Variants in TBC1D14 observed in about 807,000 individuals in gnomAD.
TBC1D14 encodes the protein TBC1 domain family member 14.
TBC1D14 carries 26 observed loss-of-function variants against 79.0 expected under a neutral mutation model. The observed-to-expected ratio is 0.33, with a 90% CI of 0.24 to 0.46. The LOEUF is 0.46. Among genes scored for constraint, TBC1D14 ranks in the 20% least tolerant of loss-of-function variants. The pLI, the probability that TBC1D14 is intolerant of heterozygous loss-of-function variation, is 1.00. For missense variants in TBC1D14, 769 were observed against 887.6 expected (o/e 0.87, Z 1.70); for synonymous variants, 394 against 349.9 (o/e 1.13, Z -1.40).
chr4:6,931,134 C>G (rs1486308471), intron 2 of TBC1D14, among the ~76,000 whole-genome samples: 1 of 152,090 alleles, frequency 6.6e-6, no homozygotes, highest in Non-Finnish European at 1.5e-5. Flanking sequence ...CTTCTGACTT[C>G]GTGATCTGCC....
chr4:6,960,832 G>A (rs1354986737), intron 2 of TBC1D14, among the ~76,000 whole-genome samples: 1 of 152,300 alleles, frequency 6.6e-6, no homozygotes, highest in South Asian at 2.1e-4. Flanking sequence ...CAGCCTAATC[G>A]GGTGCACTGC....
chr4:6,974,329 G>T (rs1716519312), intron 3 of TBC1D14, among the ~76,000 whole-genome samples: 1 of 152,166 alleles, frequency 6.6e-6, no homozygotes, highest in Non-Finnish European at 1.5e-5. Context: ...ACCTGGCCCA[G>T]ATATGGATGC....
intron 5 of TBC1D14, among the ~76,000 whole-genome samples, chr4:6,996,789 C>T (rs1170517901): frequency 6.6e-6 from 1 of 152,210 alleles, no homozygotes; most frequent in East Asian, 1.9e-4. Context: ...AGGCTACTAT[C>T]CATTCCGGGT....
At chr4:6,961,101 G>C (rs1432929020) in intron 2 of TBC1D14, among the ~76,000 whole-genome samples, 1 of 152,128 alleles carries the variant, frequency 6.6e-6, no homozygotes, top group Non-Finnish European at 1.5e-5. Context: ...TACTTTGTTG[G>C]TGTCCCCTGT....
intron 2 of TBC1D14, among the ~76,000 whole-genome samples, chr4:6,953,503 C>T (rs1350435982): frequency 1.6e-4 from 23 of 142,884 alleles, no homozygotes; most frequent in African/African-American, 4.6e-4. Flanking sequence ...AGGTGGCGGG[C>T]GCCTGTAGTC....
chr4:6,976,928 A>C (rs1716760995), intron 3 of TBC1D14, among the ~76,000 whole-genome samples: 1 of 151,958 alleles, frequency 6.6e-6, no homozygotes, highest in Non-Finnish European at 1.5e-5. Context: ...ACAAAACCAC[A>C]GTTGAATATA....
chr4:6,932,128 G>A (rs1711809538), intron 2 of TBC1D14, among the ~76,000 whole-genome samples: 1 of 152,132 alleles, frequency 6.6e-6, no homozygotes, highest in South Asian at 2.1e-4. Context: ...GGGAGACCAA[G>A]GTGGGCAGAT....
At chr4:6,933,769 T>C (rs1321327346) in intron 2 of TBC1D14, among the ~76,000 whole-genome samples, 1 of 152,164 alleles carries the variant, frequency 6.6e-6, no homozygotes, top group Non-Finnish European at 1.5e-5. Context: ...AGTGATTTCA[T>C]TGAGTCCTAA....
chr4:7,020,928 G>A (rs1472646176), intron 12 of TBC1D14, among the ~76,000 whole-genome samples: 1 of 152,176 alleles, frequency 6.6e-6, no homozygotes, highest in Non-Finnish European at 1.5e-5. Context: ...ACCTCCTCTT[G>A]GGGTTGTAAC....
At chr4:7,027,664 C>T (rs994015988) in intron 13 of TBC1D14, among the ~76,000 whole-genome samples, 2 of 89,196 alleles carry the variant, frequency 2.2e-5, no homozygotes, top group Admixed American at 1.1e-4. Context: ...CCACAATCAC[C>T]CCACACAATC....
intron 3 of TBC1D14, among the ~76,000 whole-genome samples, chr4:6,979,083 C>T (rs971959627): frequency 6.6e-6 from 1 of 151,946 alleles, no homozygotes; most frequent in Non-Finnish European, 1.5e-5. Flanking sequence ...ATATTGTAAT[C>T]CTTAGACCAA....
At chr4:6,917,888 G>A (rs1274877738) in intron 1 of TBC1D14, among the ~76,000 whole-genome samples, 1 of 152,236 alleles carries the variant, frequency 6.6e-6, no homozygotes, top group Non-Finnish European at 1.5e-5. Context: ...CGAGGCGGAA[G>A]TGCTTGAGGA....
At chr4:6,956,938 C>G (rs914479510) in intron 2 of TBC1D14, among the ~76,000 whole-genome samples, 1 of 152,228 alleles carries the variant, frequency 6.6e-6, no homozygotes, top group Non-Finnish European at 1.5e-5. Flanking sequence ...CTGCTTCCGG[C>G]TACTTGGTTG....
At chr4:6,928,677 A>G (rs144697577) in intron 2 of TBC1D14, among the ~76,000 whole-genome samples, 29 of 152,326 alleles carry the variant, frequency 1.9e-4, no homozygotes, top group African/African-American at 5.1e-4. Context: ...TACTAAAAAT[A>G]CAAAAATTAG....
intron 1 of TBC1D14, among the ~76,000 whole-genome samples, chr4:6,914,279 C>T (rs1022357573): frequency 2.0e-5 from 3 of 152,124 alleles, no homozygotes; most frequent in African/African-American, 4.8e-5. Flanking sequence ...CCGAAACATA[C>T]ATGGGCTGAA....
At position 6,923,864 on chromosome 4, in the gene TBC1D14, G is replaced by A. The variant is rs146780501; in HGVS notation, c.475G>A (p.Val159Met). The change falls in exon 2 of 14, where the codon GTG (valine) becomes ATG (methionine). Residue 159 changes from valine (V) to methionine (M), a missense_variant. Transcript: ENST00000409757. ...CAGCGATGATGTCTCCGTCTGCAGC[G>A]TGTCCAGTCTTGGGACAGAGCTGTC... is the stretch of plus-strand genomic sequence containing the variant. ...TRSDDVSVCS[V>M]SSLGTELSTT... The A allele has an allele frequency of 3.1e-5, 50 of 1,614,010 alleles. No homozygotes were observed. In the African/African-American group the frequency reaches 4.4e-4, roughly 14 times the overall value.
chr4:6,973,931 C>A (rs1262102570), intron 3 of TBC1D14, among the ~76,000 whole-genome samples: 1 of 152,142 alleles, frequency 6.6e-6, no homozygotes, highest in Admixed American at 6.5e-5. Context: ...TCAAGTGATT[C>A]TCCTGCCTCA....
chr4:6,959,116 A>C (rs1182737554), intron 2 of TBC1D14, among the ~76,000 whole-genome samples: 1 of 150,456 alleles, frequency 6.6e-6, no homozygotes, highest in Admixed American at 6.6e-5. Context: ...GCATCTCCTG[A>C]CCTTGTGATC....
intron 3 of TBC1D14, chr4:6,987,089 T>TGTGCCCGCCCCTC: frequency 1.1e-6 from 1 of 907,536 alleles, no homozygotes; most frequent in Non-Finnish European, 1.3e-6. Flanking sequence ...CCCCGCCCCT[T>TGTGCCCGCCCCTC]GTGCCCGCCC....
Sources: allele counts gnomAD v4.1 joint callset (sites outside exome capture counted in the v4.1 genomes callset), GRCh38; gene constraint gnomAD v4.1.1; transcripts MANE v1.5; gene names NCBI Gene and HGNC (gene_info 2026-07-23, HGNC 2026-07-21).